NCEH1: variants seen among roughly 807,000 people sequenced by gnomAD.
The protein encoded by NCEH1 is neutral cholesterol ester hydrolase 1.
NCEH1 carries 9 observed loss-of-function variants against 25.4 expected under a neutral mutation model. The observed-to-expected ratio is 0.35, with a 90% CI of 0.21 to 0.62. NCEH1 has a LOEUF of 0.62. Among genes scored for constraint, NCEH1 ranks in the 20% least tolerant of loss-of-function variants. The pLI is 0.72. For synonymous variants in NCEH1, 200 were observed against 199.8 expected, an observed-to-expected ratio of 1.00 and a Z score of -0.01; for missense variants, 412 against 501.1, an observed-to-expected ratio of 0.82 and a Z score of 1.70.
intron 1 of NCEH1, chr3:172,681,087 T>C (rs888153339): frequency 6.7e-6 from 1 of 148,430 alleles, no homozygotes; most frequent in South Asian, 2.1e-4. Flanking sequence ...GCATGAACCA[T>C]AGAGGCTCAG....
At chr3:172,664,086 G>GT (rs1718091683) in intron 1 of NCEH1, among the ~76,000 whole-genome samples, 1 of 152,218 alleles carries the variant, frequency 6.6e-6, no homozygotes, top group African/African-American at 2.4e-5. Flanking sequence ...TGTTTTTGCA[G>GT]TGGCTGGTAC....
intron 1 of NCEH1, among the ~76,000 whole-genome samples, chr3:172,694,402 GTGTGTGTGTGTGTA>G (rs1307855504): frequency 6.6e-6 from 1 of 151,960 alleles, no homozygotes; most frequent in Non-Finnish European, 1.5e-5. Flanking sequence ...GTCTGTGTGT[GTGTGTGTGTGTGTA>G]TGTGTGTATT....
intron 3 of NCEH1, 126 bp downstream of exon 3, chr3:172,645,497 G>T (rs931725206): frequency 3.5e-6 from 2 of 565,798 alleles, no homozygotes; most frequent in Non-Finnish European, 6.3e-6. Context: ...TGTGACTTTG[G>T]GCATATCTCT....
chr3:172,665,183 TTC>T (rs1718149587), intron 1 of NCEH1, among the ~76,000 whole-genome samples: 1 of 152,174 alleles, frequency 6.6e-6, no homozygotes, highest in Admixed American at 6.5e-5. Flanking sequence ...TGCTATTCCT[TTC>T]TGTTTGTTAG....
chr3:172,668,527 GTAT>G (rs1718337756), intron 1 of NCEH1, among the ~76,000 whole-genome samples: 1 of 151,798 alleles, frequency 6.6e-6, no homozygotes, highest in Non-Finnish European at 1.5e-5. Context: ...GCTAATTTTT[GTAT>G]TTTTAGTTTA....
chr3:172,678,518 C>T (rs1290541952), intron 1 of NCEH1, among the ~76,000 whole-genome samples: 1 of 152,166 alleles, frequency 6.6e-6, no homozygotes, highest in Non-Finnish European at 1.5e-5. Flanking sequence ...TTGAAAGATC[C>T]ACAATTACAA....
Position 172,710,881 on chromosome 3 carries a change from A to G in NCEH1, c.104T>C (p.Leu35Pro). The G allele has an allele frequency of 1.9e-6, 3 of 1,614,162 alleles. No homozygotes were observed. Among genetic ancestry groups the G allele is most frequent in the Non-Finnish European group, 2.5e-6 (3 of 1,180,034 alleles). The change falls in exon 1 of 5, where the codon CTG becomes CCG. Residue 35 changes from leucine to proline, a missense_variant. By Grantham distance (98) the Leu-to-Pro change is moderately conservative (BLOSUM62 -3). Transcript: ENST00000475381. ...GSVSDPWKLM[L>P]LDATFRGAQQ... ...TGCACCCCGGAAAGTGGCGTCCAGC[A>G]GCATCAGCTTCCAGGGGTCGGACAC...
chr3:172,661,285 G>C (rs945674278), intron 1 of NCEH1, among the ~76,000 whole-genome samples: 7 of 152,140 alleles, frequency 4.6e-5, no homozygotes, highest in Non-Finnish European at 1.0e-4. Context: ...GATAGTTGTA[G>C]ATGTGTGGTA....
chr3:172,707,881 C>T (rs1023662378), intron 1 of NCEH1, among the ~76,000 whole-genome samples: 1 of 152,218 alleles, frequency 6.6e-6, no homozygotes, highest in Non-Finnish European at 1.5e-5. Context: ...CCACCGCGCC[C>T]GGCTGGAACT....
At chr3:172,635,353 GCTTTTTC>G (rs1282829526) in intron 4 of NCEH1, among the ~76,000 whole-genome samples, 1 of 152,140 alleles carries the variant, frequency 6.6e-6, no homozygotes, top group African/African-American at 2.4e-5. Flanking sequence ...AAGAAAATGT[GCTTTTTC>G]CCACTTGCCA....
At chr3:172,636,222 G>GA in intron 3 of NCEH1, 135 bp from the exon 4 acceptor site, 2 of 496,662 alleles carry the variant, frequency 4.0e-6, no homozygotes, top group Non-Finnish European at 3.5e-6. Flanking sequence ...GTATGAAAAA[G>GA]AAAAAATAAT....
chr3:172,681,545 G>A (rs926346264), intron 1 of NCEH1, among the ~76,000 whole-genome samples: 21 of 151,948 alleles, frequency 1.4e-4, no homozygotes, highest in East Asian at 5.8e-4. Context: ...ATGCCACTTC[G>A]AAACCCATAC....
intron 1 of NCEH1, among the ~76,000 whole-genome samples, chr3:172,658,111 A>G (rs116688617): frequency 1.3e-5 from 2 of 152,212 alleles, no homozygotes; most frequent in African/African-American, 2.4e-5. Flanking sequence ...AACAGGTTGC[A>G]GTAAAGTAGC....
intron 1 of NCEH1, among the ~76,000 whole-genome samples, chr3:172,674,300 C>T (rs1029073587): frequency 1.1e-4 from 17 of 151,912 alleles, no homozygotes; most frequent in African/African-American, 3.9e-4. Context: ...GAAAATTAGC[C>T]GGGTGTGGTG....
At chr3:172,710,530 G>A (rs534234421) in intron 1 of NCEH1, among the ~76,000 whole-genome samples, 1 of 152,352 alleles carries the variant, frequency 6.6e-6, no homozygotes, top group East Asian at 1.9e-4. Flanking sequence ...ACTGCTTAAG[G>A]ATTTGCCTTT....
intron 4 of NCEH1, among the ~76,000 whole-genome samples, chr3:172,635,081 A>G (rs1716540890): frequency 6.6e-6 from 1 of 152,192 alleles, no homozygotes; most frequent in Non-Finnish European, 1.5e-5. Context: ...GCAGCACTCA[A>G]CGGTGGGTCC....
intron 4 of NCEH1, 81 bp from the exon 5 acceptor site, chr3:172,634,173 G>T: frequency 7.8e-7 from 1 of 1,286,636 alleles, no homozygotes; most frequent in Non-Finnish European, 1.1e-6. Context: ...GTAGCTTCAT[G>T]TGTTACTCTG....
intron 1 of NCEH1, among the ~76,000 whole-genome samples, chr3:172,682,123 G>A (rs1456960663): frequency 6.6e-6 from 1 of 152,172 alleles, no homozygotes; most frequent in African/African-American, 2.4e-5. Flanking sequence ...AGAGCCTGTG[G>A]TGGAGGCCAT....
At chr3:172,710,820 G>C (rs1238932791) in intron 1 of NCEH1, 27 bp downstream of exon 1, 1 of 1,611,966 alleles carries the variant, frequency 6.2e-7, no homozygotes, top group African/African-American at 1.3e-5. Flanking sequence ...AGGAGGAAGA[G>C]AGAAGCAGCG....
Sources: allele counts gnomAD v4.1 joint callset (sites outside exome capture counted in the v4.1 genomes callset), GRCh38; gene constraint gnomAD v4.1.1; transcripts MANE v1.5; gene names NCBI Gene and HGNC (gene_info 2026-07-23, HGNC 2026-07-21).